The following AARS2 variants were observed in gnomAD, a reference collection of about 807,000 sequenced individuals.
The protein encoded by AARS2 is alanine--tRNA ligase, mitochondrial.
In AARS2, 78 loss-of-function variants were observed where a neutral mutation model predicts 119.7. The ratio of observed to expected loss-of-function variants is 0.65; its 90% CI spans 0.54 to 0.79. AARS2 has a LOEUF of 0.79. Ranked by LOEUF, AARS2 falls within the 30% of genes least tolerant of loss-of-function variation. AARS2 has a pLI of 0.00. For synonymous variants in AARS2, 502 were observed against 526.3 expected (o/e 0.95, Z 0.63); for missense variants, 1,157 against 1,291.3 (o/e 0.90, Z 1.59).
chr6:44,303,030 G>A (rs1231052407), intron 16 of AARS2, 36 bp downstream of exon 16: 10 of 1,611,644 alleles, frequency 6.2e-6, no homozygotes, highest in Admixed American at 5.0e-5. Flanking sequence ...AAGGATCCGG[G>A]GCCCCTGGGC....
chr6:44,304,376 G>T, intron 13 of AARS2, 44 bp downstream of exon 13: 1 of 1,614,166 alleles, frequency 6.2e-7, no homozygotes, highest in Non-Finnish European at 8.5e-7. Context: ...TTGGGAGAGT[G>T]AAGGGGCTGC....
In AARS2 at chr6:44,299,045, C is replaced by G. The variant is rs928785611; in HGVS notation, c.*1502G>C. On this transcript the variant is annotated 3_prime_UTR_variant, in exon 22 of 22. Transcript: ENST00000244571. The stretch of plus-strand genomic sequence containing the variant: ...GCCTCCTCACCTGCCCCTATCCCAG[C>G]TCACTGCTCAGTGGCACTGGCCACC... Among the ~76,000 whole-genome samples, 1 of 150,192 alleles carries G rather than the reference C, an allele frequency of 6.7e-6. No individual in the cohort carries two copies. Among genetic ancestry groups the G allele is most frequent in the Non-Finnish European group, 1.5e-5 (1 of 68,040 alleles).
At chr6:44,304,976 A>G (rs1785710194) in intron 11 of AARS2, 78 bp downstream of exon 11, 1 of 1,612,238 alleles carries the variant, frequency 6.2e-7, no homozygotes, top group Non-Finnish European at 8.5e-7. Flanking sequence ...CATAGGGGCT[A>G]GCAGCAACCA....
chr6:44,311,800 A>AGAGTGATCT (rs1188004519), intron 2 of AARS2, among the ~76,000 whole-genome samples: 1 of 152,238 alleles, frequency 6.6e-6, no homozygotes, highest in African/African-American at 2.4e-5. Flanking sequence ...ACTCTAGCCT[A>AGAGTGATCT]GAGTGATCTT....
chr6:44,306,198 G>A (rs897640545), intron 9 of AARS2, 82 bp downstream of exon 9: 4 of 1,319,032 alleles, frequency 3.0e-6, no homozygotes, highest in African/African-American at 2.9e-5. Context: ...ATGAGGCATG[G>A]GGCTGGCCCA....
At chr6:44,309,379 G>A (rs968736456) in intron 5 of AARS2, among the ~76,000 whole-genome samples, 1 of 152,162 alleles carries the variant, frequency 6.6e-6, no homozygotes, top group African/African-American at 2.4e-5. Context: ...CAGCCTAAAC[G>A]CTAGCTCACA....
Position 44,305,633 on chromosome 6 carries a change from T to C in AARS2, c.1434+20A>G. 6.2e-7 allele frequency: 1 copy of C among 1,613,500 alleles called. No individual in the cohort carries two copies. Among genetic ancestry groups the C allele is most frequent in the East Asian group, 2.2e-5 (1 of 44,868 alleles). ...AGAGGTGTCCTAACAGAACCCAGCA[T>C]GGGGTGCCACAGCTTGTACCTGGGC... On this transcript the variant is annotated intron_variant, in intron 10 of 21. Coordinates refer to ENST00000244571, the MANE Select transcript of AARS2 (RefSeq NM_020745.4). This position sits in a 1 kb window ranked among gnomAD's most constrained non-coding sequence, Gnocchi z 4.6.
At chr6:44,311,368 C>T (rs370472840) in intron 3 of AARS2, 22 bp downstream of exon 3, 4 of 1,614,140 alleles carry the variant, frequency 2.5e-6, no homozygotes, top group Non-Finnish European at 3.4e-6. Flanking sequence ...CAGGAATGAA[C>T]ATAAGAAGGG....
chr6:44,304,210 C>G lies in AARS2; in HGVS notation c.1978G>C (p.Glu660Gln), dbSNP rs138878568. 1.9e-6 allele frequency: 3 copies of G among 1,613,894 alleles called. No homozygotes were observed. The highest frequency in any genetic ancestry group is 2.5e-6 in the Non-Finnish European group (3 of 1,180,040). The part of the protein sequence containing the change: ...TEQQGSHLNP[E>Q]QLRLDVTTQT... ...GTGGTCACATCCAAGCGCAGCTGCTCAGGATTGAGATGGGAGCCCTGCTGC... is the reference window on the plus strand; with the variant it reads ...GTGGTCACATCCAAGCGCAGCTGCTGAGGATTGAGATGGGAGCCCTGCTGC... Residue 660 changes from glutamate to glutamine, a missense_variant, in exon 14 of 22, where the codon GAG (glutamate) becomes CAG (glutamine). Coordinates refer to ENST00000244571, the MANE Select transcript of AARS2 (RefSeq NM_020745.4).
chr6:44,305,418 C>A lies in AARS2; in HGVS notation c.1435-220G>T, dbSNP rs1785758359. On this transcript the variant is annotated intron_variant, in intron 10 of 21. Transcript: ENST00000244571. The surrounding 1 kb of genome is among the most constrained non-coding windows in gnomAD (Gnocchi z 4.6). ...TTAGGCCTTCCTGCCCACTGCTGCC[C>A]CTGGAGGGCCCCTCTCCAGGAAGCT... 6.6e-6 allele frequency among the ~76,000 whole-genome samples: 1 copy of A among 152,216 alleles called. No homozygotes were observed.
Position 44,300,403 on chromosome 6 carries a change from G to T in AARS2, c.*144C>A. 1.7e-6 allele frequency: 2 copies of T among 1,186,920 alleles called. No homozygotes were observed. Among genetic ancestry groups the T allele is most frequent in the Non-Finnish European group, 2.5e-6 (2 of 808,662 alleles). 73.5% of individuals were successfully genotyped at this position (1,186,920 alleles called of 1,614,324 possible). On this transcript the variant is annotated 3_prime_UTR_variant, in exon 22 of 22. Coordinates refer to ENST00000244571, the MANE Select transcript of AARS2 (RefSeq NM_020745.4). The stretch of plus-strand genomic sequence containing the variant: ...GCCCATGTCTCCTTGTGTCACGTAG[G>T]CCCTGGCCCAGGTGATCTTCTTTGG...
At chr6:44,310,562 G>C in intron 4 of AARS2, 119 bp from the exon 5 acceptor site, 2 of 1,341,902 alleles carry the variant, frequency 1.5e-6, no homozygotes, top group Non-Finnish European at 2.1e-6. Context: ...GGAGGAACCA[G>C]ACAATCAGTA....
At chr6:44,303,837 CAG>C (rs1785581566) in intron 14 of AARS2, among the ~76,000 whole-genome samples, 2 of 152,164 alleles carry the variant, frequency 1.3e-5, no homozygotes, top group South Asian at 4.1e-4. Flanking sequence ...CGCAGGGAGA[CAG>C]GGTGGCAGCA....
rs1282874196 is a variant in AARS2, at chr6:44,298,920, C to G, written c.*1627G>C. On this transcript the variant is annotated 3_prime_UTR_variant, in exon 22 of 22. Transcript: ENST00000244571. ...GGGCTTTCCTCCATCTCTGCTTCCT[C>G]CTGCTTTGAAGTGCCAATTTTCAGC... is the stretch of plus-strand genomic sequence containing the variant. 6.6e-6 allele frequency among the ~76,000 whole-genome samples: 1 copy of G among 152,178 alleles called. No individual in the cohort carries two copies. The highest frequency in any genetic ancestry group is 1.5e-5 in the Non-Finnish European group (1 of 68,038).
chr6:44,312,391 A>C, intron 1 of AARS2, 128 bp from the exon 2 acceptor site: 1 of 943,838 alleles, frequency 1.1e-6, no homozygotes, highest in Non-Finnish European at 1.6e-6. Context: ...AGTGCAGTGT[A>C]ATCTTGGTCT....
chr6:44,305,209 G>C lies in AARS2; in HGVS notation c.1435-11C>G. 1.9e-6 allele frequency: 3 copies of C among 1,610,042 alleles called. No individual in the cohort carries two copies. The highest frequency in any genetic ancestry group is 2.5e-6 in the Non-Finnish European group (3 of 1,180,008). ...CTGCCGTGCCCGGTGCTGCAGGGTG[G>C]GCATGGGCATGGAAGAAGTGCATGG... On this transcript the variant is annotated splice_polypyrimidine_tract_variant and intron_variant, in intron 10 of 21. Coordinates refer to ENST00000244571, the MANE Select transcript of AARS2 (RefSeq NM_020745.4). This position sits in a 1 kb window ranked among gnomAD's most constrained non-coding sequence, Gnocchi z 4.6.
rs1475931278 is a variant in AARS2 at position 44,301,373 on chromosome 6, G to C, written c.2682+8C>G. The stretch of plus-strand genomic sequence containing the variant: ...ACCCTGGGGCAGCCCGGCTTGGCTA[G>C]CACTCACTGAGAGAGACTCAGCAGA... On this transcript the variant is annotated splice_region_variant and intron_variant, in intron 20 of 21. Transcript: ENST00000244571. The C allele has an allele frequency of 6.2e-7, 1 of 1,613,964 alleles. No individual in the cohort carries two copies. Among genetic ancestry groups the C allele is most frequent in the South Asian group, 1.1e-5 (1 of 91,082 alleles).
Position 44,305,007 on chromosome 6 carries a change from C to T in AARS2, c.1579+47G>A, listed in dbSNP as rs760989044. Reference sequence around the variant, plus strand: ...AACCATCTTGGACATTCTTCTTAGTCATGGTCAGGCAAGCTTGTGGCGGCA... The same window carrying T: ...AACCATCTTGGACATTCTTCTTAGTTATGGTCAGGCAAGCTTGTGGCGGCA... On this transcript the variant is annotated intron_variant, in intron 11 of 21. Transcript: ENST00000244571. This position sits in a 1 kb window ranked among gnomAD's most constrained non-coding sequence, Gnocchi z 4.6. 1.9e-6 allele frequency: 3 copies of T among 1,613,922 alleles called. No homozygotes were observed. The highest frequency in any genetic ancestry group is 3.3e-5 in the Admixed American group (2 of 60,008).
At chr6:44,312,959 A>G in intron 1 of AARS2, 122 bp downstream of exon 1, 1 of 1,467,360 alleles carries the variant, frequency 6.8e-7, no homozygotes, top group Non-Finnish European at 9.3e-7. Context: ...CCAACCAAGC[A>G]CCGCCCTCTT....
Sources: allele counts gnomAD v4.1 joint callset (sites outside exome capture counted in the v4.1 genomes callset), GRCh38; gene constraint gnomAD v4.1.1; non-coding constraint Gnocchi (gnomAD v3.1); transcripts MANE v1.5; gene names NCBI Gene and HGNC (gene_info 2026-07-23, HGNC 2026-07-21).